SLCO3A1: variants seen among roughly 807,000 people sequenced by gnomAD.
The protein encoded by SLCO3A1 is PGE1 transporter.
In SLCO3A1, 27 loss-of-function variants were observed where a neutral mutation model predicts 63.1. The observed-to-expected ratio is 0.43, with a 90% confidence interval of 0.32 to 0.59. The LOEUF is 0.59. Ranked by LOEUF, SLCO3A1 falls within the 20% of genes least tolerant of loss-of-function variation. The pLI is 0.09. For missense variants in SLCO3A1, 773 were observed against 945.8 expected, an observed-to-expected ratio of 0.82 and a Z score of 2.40; for synonymous variants, 473 against 409.9, an observed-to-expected ratio of 1.15 and a Z score of -1.86.
intron 2 of SLCO3A1, among the ~76,000 whole-genome samples, chr15:91,977,583 T>TA (rs1901167752): frequency 6.6e-6 from 1 of 152,124 alleles, no homozygotes; most frequent in Non-Finnish European, 1.5e-5. Context: ...CATAGAGTGA[T>TA]ATAACGAACT....
chr15:91,925,450 C>A (rs1898978258), intron 2 of SLCO3A1, among the ~76,000 whole-genome samples: 2 of 148,116 alleles, frequency 1.4e-5, no homozygotes, highest in South Asian at 4.3e-4. Flanking sequence ...TGAATATTTG[C>A]TTTTGTCTGT....
At chr15:91,898,970 T>C (rs1898080739) in intron 1 of SLCO3A1, among the ~76,000 whole-genome samples, 1 of 152,130 alleles carries the variant, frequency 6.6e-6, no homozygotes, top group Admixed American at 6.5e-5. Flanking sequence ...TTTAGTTCTG[T>C]CTTTGGGATG....
At chr15:92,004,391 C>T (rs1011198689) in intron 2 of SLCO3A1, among the ~76,000 whole-genome samples, 2 of 152,240 alleles carry the variant, frequency 1.3e-5, no homozygotes, top group African/African-American at 4.8e-5. Flanking sequence ...CATAGCACAG[C>T]ATATGGCCTA....
At position 91,914,997 on chromosome 15, in the gene SLCO3A1, G is replaced by A. The variant is rs923571690; in HGVS notation, c.181-996G>A. Among the ~76,000 whole-genome samples, 5 of 152,126 alleles carry A rather than the reference G, an allele frequency of 3.3e-5. No homozygotes were observed. In the East Asian group the frequency reaches 9.7e-4, roughly 29 times the overall value. On this transcript the variant is annotated intron_variant, in intron 1 of 9. Transcript: ENST00000318445. Reference sequence around the variant, plus strand: ...TCAGCTGTCAGATCTCCCATGACAAGGACTCTTGTCTTGCTCACAGCACCC... The same window carrying A: ...TCAGCTGTCAGATCTCCCATGACAAAGACTCTTGTCTTGCTCACAGCACCC...
At chr15:91,898,278 T>G (rs923138984) in intron 1 of SLCO3A1, among the ~76,000 whole-genome samples, 1 of 152,238 alleles carries the variant, frequency 6.6e-6, no homozygotes, top group East Asian at 1.9e-4. Context: ...GGAGAGACAA[T>G]GCCTCTATTC....
In SLCO3A1 at chr15:91,968,995, T is replaced by G. The variant is rs538761726; in HGVS notation, c.646+52537T>G. ...TCCACCTACCTCCAACACAAGAGTT[T>G]GCTAACAGGTCCACACTGTGTTTAG... is the stretch of plus-strand genomic sequence containing the variant. On this transcript the variant is annotated intron_variant, in intron 2 of 9. Coordinates refer to ENST00000318445, the MANE Select transcript of SLCO3A1 (RefSeq NM_013272.4). The surrounding 1 kb of genome is among the most constrained non-coding windows in gnomAD (Gnocchi z 4.2). 6.6e-6 allele frequency among the ~76,000 whole-genome samples: 1 copy of G among 152,322 alleles called. No homozygotes were observed. Among genetic ancestry groups the G allele is most frequent in the South Asian group, 2.1e-4 (1 of 4,828 alleles).
intron 2 of SLCO3A1, among the ~76,000 whole-genome samples, chr15:92,093,072 C>G (rs1672387190): frequency 6.6e-6 from 1 of 152,142 alleles, no homozygotes; most frequent in Non-Finnish European, 1.5e-5. Flanking sequence ...TCCTATAAGC[C>G]CCGTTCAAAT....
intron 2 of SLCO3A1, among the ~76,000 whole-genome samples, chr15:91,990,123 ATGAG>A (rs911322396): frequency 9.8e-5 from 15 of 152,308 alleles, no homozygotes; most frequent in Non-Finnish European, 4.4e-5. Context: ...GTGCTTTAAG[ATGAG>A]GGAAATGGGC....
intron 2 of SLCO3A1, among the ~76,000 whole-genome samples, chr15:92,045,927 A>G (rs2387403): frequency 0.046 from 7,054 of 152,208 alleles, 518 homozygotes; most frequent in African/African-American, 0.16. Flanking sequence ...TCTAACTGGC[A>G]TCGCTCTGTC....
chr15:91,995,789 A>AAGC (rs980155669), intron 2 of SLCO3A1, among the ~76,000 whole-genome samples: 10 of 152,194 alleles, frequency 6.6e-5, no homozygotes, highest in African/African-American at 1.7e-4. Flanking sequence ...GGAAAAAAAA[A>AAGC]AGTTCATAAA....
chr15:91,996,570 G>A (rs1170792874), intron 2 of SLCO3A1, among the ~76,000 whole-genome samples: 2 of 152,086 alleles, frequency 1.3e-5, no homozygotes, highest in African/African-American at 2.4e-5. Context: ...GATCATACAG[G>A]AGGGAACTTA....
intron 7 of SLCO3A1, among the ~76,000 whole-genome samples, chr15:92,130,358 G>T (rs2047977483): frequency 6.6e-6 from 1 of 152,196 alleles, no homozygotes; most frequent in Non-Finnish European, 1.5e-5. Flanking sequence ...TTTTATTCAG[G>T]TTACTCGAGG....
At chr15:91,960,204 C>T (rs772895565) in intron 2 of SLCO3A1, among the ~76,000 whole-genome samples, 1 of 152,162 alleles carries the variant, frequency 6.6e-6, no homozygotes, top group Non-Finnish European at 1.5e-5. Context: ...AGGATGCTCT[C>T]GATCTCCTGA....
intron 2 of SLCO3A1, among the ~76,000 whole-genome samples, chr15:91,940,803 TGGTGAATGAGC>T (rs995777219): frequency 1.3e-5 from 2 of 151,986 alleles, no homozygotes; most frequent in African/African-American, 4.8e-5. Flanking sequence ...AGTGAGTGAG[TGGTGAATGAGC>T]GAATATTCTG....
intron 2 of SLCO3A1, among the ~76,000 whole-genome samples, chr15:92,057,546 A>C (rs952719110): frequency 1.3e-5 from 2 of 152,154 alleles, no homozygotes; most frequent in African/African-American, 4.8e-5. Context: ...AGACCAGGAG[A>C]CCAGTCCATC....
rs745672224 is a variant in SLCO3A1, at chr15:92,162,740, C to A, written c.1754-16C>A. 8 of 1,599,436 alleles carry A rather than the reference C, an allele frequency of 5.0e-6. No individual in the cohort carries two copies. The South Asian group carries it at 9.1e-5, about 18-fold the overall frequency. On this transcript the variant is annotated splice_polypyrimidine_tract_variant and intron_variant, in intron 9 of 9. Transcript: ENST00000318445. The stretch of plus-strand genomic sequence containing the variant: ...CCACCAGATCCAGAACCTTAACATT[C>A]TTTTCCCGGTAACAGGCTTCATCCC...
intron 2 of SLCO3A1, among the ~76,000 whole-genome samples, chr15:91,959,632 G>T (rs1463667575): frequency 6.7e-6 from 1 of 149,182 alleles, no homozygotes; most frequent in African/African-American, 2.5e-5. Flanking sequence ...GCTGAGGCAG[G>T]AGAATCGCTT....
intron 2 of SLCO3A1, among the ~76,000 whole-genome samples, chr15:92,048,885 G>T (rs965375054): frequency 1.3e-4 from 20 of 152,184 alleles, no homozygotes; most frequent in Non-Finnish European, 2.6e-4. Flanking sequence ...GAGCATTTGT[G>T]CATTCAGCAG....
Position 91,995,274 on chromosome 15 carries a change from C to T in SLCO3A1, c.646+78816C>T, listed in dbSNP as rs113285696. On this transcript the variant is annotated intron_variant, in intron 2 of 9. Coordinates refer to ENST00000318445, the MANE Select transcript of SLCO3A1 (RefSeq NM_013272.4). ...AAATCCCACTGCCAGTGCTATCTGA[C>T]GTGAGACTTCGGACAAGTTATTTAA... Among the ~76,000 whole-genome samples the T allele has an allele frequency of 1.5e-4, 23 of 152,276 alleles. 1 individual carries two copies. Among genetic ancestry groups the T allele is most frequent in the African/African-American group, 3.6e-4 (15 of 41,546 alleles).
Sources: gnomAD v4.1 joint callset for allele counts (sites outside exome capture counted in the v4.1 genomes callset) on GRCh38, gnomAD v4.1.1 for gene constraint, Gnocchi (gnomAD v3.1) non-coding constraint, MANE v1.5 for transcripts, NCBI Gene and HGNC (gene_info 2026-07-23, HGNC 2026-07-21) for gene names.